Variants in GULP1 observed in about 807,000 individuals in gnomAD.
GULP1 encodes the protein PTB domain-containing engulfment adapter protein 1.
In GULP1, 19 loss-of-function variants were observed where a neutral mutation model predicts 40.9. The ratio of observed to expected loss-of-function variants is 0.46; its 90% CI spans 0.32 to 0.68. The LOEUF is 0.68. Ranked by LOEUF, GULP1 falls within the 30% of genes least tolerant of loss-of-function variation. GULP1 has a pLI of 0.03. For synonymous variants in GULP1, 119 were observed against 117.6 expected (o/e 1.01, Z -0.08); for missense variants, 312 against 362.2 (o/e 0.86, Z 1.12).
intron 2 of GULP1, among the ~76,000 whole-genome samples, chr2:188,414,757 A>G (rs1219039545): frequency 6.6e-6 from 1 of 152,220 alleles, no homozygotes; most frequent in Non-Finnish European, 1.5e-5. Context: ...TTCTGTGTTA[A>G]TGAATCTGTG....
chr2:188,390,010 T>C (rs771125407), intron 2 of GULP1, among the ~76,000 whole-genome samples: 1 of 152,104 alleles, frequency 6.6e-6, no homozygotes. Context: ...ATAGCACGTT[T>C]TCTTTACTCA....
At chr2:188,297,877 A>G (rs1280074372) in intron 1 of GULP1, among the ~76,000 whole-genome samples, 4 of 152,166 alleles carry the variant, frequency 2.6e-5, no homozygotes, top group East Asian at 1.9e-4. Context: ...AATTTGGGAT[A>G]AAAAATTGAA....
At chr2:188,537,079 C>T (rs947434719) in intron 6 of GULP1, among the ~76,000 whole-genome samples, 1 of 151,762 alleles carries the variant, frequency 6.6e-6, no homozygotes, top group East Asian at 1.9e-4. Flanking sequence ...TTGCAGGAGC[C>T]TCTTGGTGGA....
At chr2:188,557,738 G>C (rs1355490370) in intron 7 of GULP1, among the ~76,000 whole-genome samples, 9 of 152,240 alleles carry the variant, frequency 5.9e-5, no homozygotes, top group Admixed American at 5.9e-4. Flanking sequence ...GAGTCTGTGT[G>C]GGGTGTCTAA....
chr2:188,434,876 A>T (rs945289929), intron 2 of GULP1, among the ~76,000 whole-genome samples: 4 of 151,520 alleles, frequency 2.6e-5, no homozygotes, highest in African/African-American at 9.7e-5. Context: ...TAGGGATGTT[A>T]TTTTCTCCTC....
chr2:188,557,435 C>A (rs1201103514), intron 7 of GULP1, among the ~76,000 whole-genome samples: 1 of 152,196 alleles, frequency 6.6e-6, no homozygotes, highest in East Asian at 1.9e-4. Context: ...CACACAATCC[C>A]AAAATCCAGC....
At chr2:188,477,981 A>G (rs574972745) in intron 3 of GULP1, among the ~76,000 whole-genome samples, 9 of 152,270 alleles carry the variant, frequency 5.9e-5, no homozygotes, top group African/African-American at 1.9e-4. Flanking sequence ...GGCAACTTGA[A>G]GCTTGTTGTG....
chr2:188,323,333 A>G (rs1296594604), intron 1 of GULP1, among the ~76,000 whole-genome samples: 1 of 152,026 alleles, frequency 6.6e-6, no homozygotes, highest in African/African-American at 2.4e-5. Context: ...TTTTAGAGTC[A>G]GGTATATCTA....
intron 1 of GULP1, among the ~76,000 whole-genome samples, chr2:188,347,274 G>T (rs930328577): frequency 6.6e-6 from 1 of 152,154 alleles, no homozygotes; most frequent in African/African-American, 2.4e-5. Flanking sequence ...TTATTCAAGT[G>T]TATGTGACAG....
chr2:188,488,244 C>G (rs774759827), intron 4 of GULP1, among the ~76,000 whole-genome samples: 1 of 152,016 alleles, frequency 6.6e-6, no homozygotes, highest in African/African-American at 2.4e-5. Flanking sequence ...CATATAGTTG[C>G]TGCATCCTAT....
chr2:188,588,682 A>T (rs1268870939), intron 11 of GULP1: 2 of 152,120 alleles, frequency 1.3e-5, no homozygotes, highest in Non-Finnish European at 1.5e-5. Context: ...ACAGACACCA[A>T]TTATATGAAG....
At chr2:188,385,708 C>T (rs2049631672) in intron 2 of GULP1, among the ~76,000 whole-genome samples, 1 of 152,150 alleles carries the variant, frequency 6.6e-6, no homozygotes, top group Admixed American at 6.5e-5. Flanking sequence ...ATTCCTTCCT[C>T]CAGATACCCG....
At chr2:188,368,651 A>G (rs75440041) in intron 1 of GULP1, among the ~76,000 whole-genome samples, 69 of 152,072 alleles carry the variant, frequency 4.5e-4, no homozygotes, top group African/African-American at 1.6e-3. Context: ...TCAGTATAAC[A>G]AAGAAAATAC....
At chr2:188,545,767 C>T (rs565829130) in intron 7 of GULP1, among the ~76,000 whole-genome samples, 4 of 151,848 alleles carry the variant, frequency 2.6e-5, no homozygotes, top group African/African-American at 9.7e-5. Context: ...CTAACTACAC[C>T]AGTTAAAATA....
chr2:188,588,136 A>G, intron 11 of GULP1, 187 bp downstream of exon 11: 1 of 599,594 alleles, frequency 1.7e-6, no homozygotes, highest in South Asian at 2.0e-5. Flanking sequence ...GCTAAGGATA[A>G]GGTTGTTGGT....
At chr2:188,411,548 T>C (rs2053885778) in intron 2 of GULP1, among the ~76,000 whole-genome samples, 1 of 152,204 alleles carries the variant, frequency 6.6e-6, no homozygotes, top group African/African-American at 2.4e-5. Context: ...TCCTACCCAG[T>C]TGATTATTAA....
At chr2:188,538,887 A>C (rs1322544155) in intron 6 of GULP1, among the ~76,000 whole-genome samples, 1 of 152,170 alleles carries the variant, frequency 6.6e-6, no homozygotes, top group Non-Finnish European at 1.5e-5. Context: ...AACAAATGTG[A>C]TACTTCTAAA....
intron 2 of GULP1, among the ~76,000 whole-genome samples, chr2:188,425,099 A>G (rs2055995477): frequency 6.6e-6 from 1 of 152,064 alleles, no homozygotes; most frequent in Non-Finnish European, 1.5e-5. Context: ...ATCATTACTA[A>G]CATACTAATT....
chr2:188,335,769 A>G (rs1259275393), intron 1 of GULP1, among the ~76,000 whole-genome samples: 1 of 152,208 alleles, frequency 6.6e-6, no homozygotes, highest in Non-Finnish European at 1.5e-5. Context: ...GGAGATGGCA[A>G]TTAAAGATTG....
Sources: gnomAD v4.1 joint callset for allele counts (sites outside exome capture counted in the v4.1 genomes callset) on GRCh38, gnomAD v4.1.1 for gene constraint, MANE v1.5 for transcripts, NCBI Gene and HGNC (gene_info 2026-07-23, HGNC 2026-07-21) for gene names.